Variants in PALS2 observed in about 807,000 individuals in gnomAD.
The protein encoded by PALS2 is protein associated with LIN7 2, MAGUK p55 family member.
PALS2 carries 27 observed loss-of-function variants against 61.6 expected under a neutral mutation model. That is an observed-to-expected ratio of 0.44 (90% CI 0.32 to 0.60). The LOEUF is 0.60. PALS2 is among the 20% of genes least tolerant of loss of function. The pLI, the probability that PALS2 is intolerant of heterozygous loss-of-function variation, is 0.05. For synonymous variants in PALS2, 236 were observed against 218.6 expected, an observed-to-expected ratio of 1.08 and a Z score of -0.70; for missense variants, 554 against 639.4, an observed-to-expected ratio of 0.87 and a Z score of 1.44.
At chr7:24,679,684 C>A (rs1414617234) in intron 10 of PALS2, among the ~76,000 whole-genome samples, 1 of 151,580 alleles carries the variant, frequency 6.6e-6, no homozygotes, top group Non-Finnish European at 1.5e-5. Flanking sequence ...AAATTAAAGT[C>A]ACTCCCCCTC....
intron 1 of PALS2, among the ~76,000 whole-genome samples, chr7:24,619,578 C>T (rs1040688221): frequency 2.0e-5 from 3 of 151,656 alleles, no homozygotes; most frequent in Non-Finnish European, 4.4e-5. Flanking sequence ...ATTAGCTGGC[C>T]GTGGTGGTGG....
At chr7:24,574,168 C>G (rs562063119) in intron 1 of PALS2, 1 of 152,376 alleles carries the variant, frequency 6.6e-6, no homozygotes, top group South Asian at 2.1e-4. Flanking sequence ...CTCCAACTAC[C>G]GCCGCTACTT....
At position 24,651,656 on chromosome 7, in the gene PALS2, G is replaced by A. The variant is rs147219884; in HGVS notation, c.651+944G>A. ...ATTGAAAATTATGATAGGAGTGTTG[G>A]AACCAAAGAGAGGGTTTTCAAGCCT... On this transcript the variant is annotated intron_variant, in intron 5 of 11. Transcript: ENST00000222644. 3.5e-4 allele frequency among the ~76,000 whole-genome samples: 53 copies of A among 152,270 alleles called. 1 individual carries two copies. In the East Asian group the frequency reaches 9.4e-3, roughly 27 times the overall value.
rs1391654561 is a variant in PALS2 at position 24,687,045 on chromosome 7, G to A, written c.1447-393G>A. On this transcript the variant is annotated intron_variant, in intron 11 of 11. Coordinates refer to ENST00000222644, the MANE Select transcript of PALS2 (RefSeq NM_001303037.2). This position sits in a 1 kb window ranked among gnomAD's most constrained non-coding sequence, Gnocchi z 4.5. ...TGAGCTTAACAGCCACTGCAAATTGGGTACCATGTTGTACATGGGCCATGA... is the reference window on the plus strand; with the variant it reads ...TGAGCTTAACAGCCACTGCAAATTGAGTACCATGTTGTACATGGGCCATGA... Among the ~76,000 whole-genome samples the A allele has an allele frequency of 2.0e-5, 3 of 152,094 alleles. No individual in the cohort carries two copies. The highest frequency in any genetic ancestry group is 4.4e-5 in the Non-Finnish European group (3 of 68,018).
intron 1 of PALS2, among the ~76,000 whole-genome samples, chr7:24,587,277 G>T: frequency 6.6e-6 from 1 of 152,022 alleles, no homozygotes; most frequent in Non-Finnish European, 1.5e-5. Flanking sequence ...TGTCATATAG[G>T]GGAGGGGAAA....
chr7:24,641,819 A>G lies in PALS2; in HGVS notation c.221A>G (p.Asp74Gly). Residue 74 changes from aspartate (D) to glycine (G), a missense_variant, in exon 3 of 12, where the codon GAT (aspartate) becomes GGT (glycine). Transcript: ENST00000222644. The stretch of plus-strand genomic sequence containing the variant: ...GACATCACTCCTCTAATAAATGTGG[A>G]TGAAAATGTGGCAGAATTGGTTGGT... ...LEDITPLINV[D>G]ENVAELVGIL... The G allele has an allele frequency of 6.2e-7, 1 of 1,613,244 alleles. No homozygotes were observed. The highest frequency in any genetic ancestry group is 8.5e-7 in the Non-Finnish European group (1 of 1,179,686).
At chr7:24,616,809 T>C (rs1784307846) in intron 1 of PALS2, among the ~76,000 whole-genome samples, 1 of 152,200 alleles carries the variant, frequency 6.6e-6, no homozygotes, top group African/African-American at 2.4e-5. Context: ...TTTCTTCGTC[T>C]ATGACTTGAT....
At position 24,687,029 on chromosome 7, in the gene PALS2, C is replaced by T. The variant is rs893994506; in HGVS notation, c.1447-409C>T. ...GTAGCAAGTTTGGCTTTGAGCTTAA[C>T]AGCCACTGCAAATTGGGTACCATGT... On this transcript the variant is annotated intron_variant, in intron 11 of 11. Transcript: ENST00000222644. The surrounding 1 kb of genome is among the most constrained non-coding windows in gnomAD (Gnocchi z 4.5). 2.0e-5 allele frequency among the ~76,000 whole-genome samples: 3 copies of T among 152,188 alleles called. No individual in the cohort carries two copies. The highest frequency in any genetic ancestry group is 4.8e-5 in the African/African-American group (2 of 41,444).
At position 24,691,403 on chromosome 7, in the gene PALS2, G is replaced by GTGTGTGTGTGTA. The variant is rs1788462318; in HGVS notation, c.*3792_*3793insGTGTGTGTATGT. ...ATATATTATGTATGTGTGTGTGTGTGTGTATATATATATATATATATATAT... is the reference window on the plus strand; with the variant it reads ...ATATATTATGTATGTGTGTGTGTGTGTGTGTGTGTGTATGTATATATATATATATATATATAT... On this transcript the variant is annotated 3_prime_UTR_variant, in exon 12 of 12. Transcript: ENST00000222644. The GTGTGTGTGTGTA allele has an allele frequency of 9.3e-6, 1 of 108,078 alleles. No individual in the cohort carries two copies. Among genetic ancestry groups the GTGTGTGTGTGTA allele is most frequent in the Admixed American group, 1.1e-4 (1 of 9,410 alleles). 6.7% of individuals were successfully genotyped at this position (108,078 alleles called of 1,614,324 possible). A position where few individuals can be genotyped will look rare whatever the true frequency, so the allele number is the denominator to read the frequency against.
rs866786587 is a variant in PALS2 at position 24,624,078 on chromosome 7, C to A, written c.117+294C>A. The A allele has an allele frequency of 5.2e-6, 7 of 1,336,530 alleles. No homozygotes were observed. The South Asian group carries it at 7.4e-5, about 14-fold the overall frequency. 82.8% of individuals were successfully genotyped at this position (1,336,530 alleles called of 1,614,324 possible). On this transcript the variant is annotated intron_variant, in intron 2 of 11. Coordinates refer to ENST00000222644, the MANE Select transcript of PALS2 (RefSeq NM_001303037.2). ...TTTTAACAGGGCCTGTGAAAAAGAT[C>A]CTGATCCTATTTCCATTTTCAACAA...
chr7:24,664,214 C>G (rs922399718), intron 6 of PALS2, among the ~76,000 whole-genome samples: 7 of 152,100 alleles, frequency 4.6e-5, no homozygotes, highest in African/African-American at 1.4e-4. Flanking sequence ...GAGGTTCACT[C>G]TATCAGTTTT....
intron 1 of PALS2, among the ~76,000 whole-genome samples, chr7:24,592,655 T>C (rs562450677): frequency 6.6e-6 from 1 of 152,212 alleles, no homozygotes; most frequent in East Asian, 1.9e-4. Flanking sequence ...AAAACACATA[T>C]CACAATGAAG....
intron 1 of PALS2, among the ~76,000 whole-genome samples, chr7:24,583,413 C>A (rs980479720): frequency 6.6e-6 from 1 of 152,050 alleles, no homozygotes; most frequent in African/African-American, 2.4e-5. Context: ...ATTTAATGAT[C>A]TTTATAAAGT....
chr7:24,667,893 C>G (rs1787111304), intron 8 of PALS2, among the ~76,000 whole-genome samples: 1 of 151,972 alleles, frequency 6.6e-6, no homozygotes. Context: ...GTCTCAATCT[C>G]TTGACCTCGT....
chr7:24,649,881 G>T, intron 4 of PALS2, 117 bp downstream of exon 4: 5 of 1,005,096 alleles, frequency 5.0e-6, no homozygotes, highest in Admixed American at 3.4e-5. Context: ...CTGTATTCTT[G>T]TTTGGCCTGT....
At chr7:24,657,276 A>G (rs1786469388) in intron 5 of PALS2, among the ~76,000 whole-genome samples, 1 of 152,188 alleles carries the variant, frequency 6.6e-6, no homozygotes, top group Non-Finnish European at 1.5e-5. Flanking sequence ...TGTACTTTTG[A>G]AGAAATGACT....
intron 1 of PALS2, among the ~76,000 whole-genome samples, chr7:24,616,162 A>C (rs1784286886): frequency 2.0e-5 from 3 of 152,160 alleles, no homozygotes; most frequent in Admixed American, 2.0e-4. Flanking sequence ...CACTCTCACC[A>C]GTCTTATTCA....
intron 2 of PALS2, among the ~76,000 whole-genome samples, chr7:24,632,611 T>A (rs1442114655): frequency 6.6e-6 from 1 of 152,060 alleles, no homozygotes; most frequent in Non-Finnish European, 1.5e-5. Flanking sequence ...GTGGTCTCAA[T>A]CTCCTGACCT....
intron 9 of PALS2, among the ~76,000 whole-genome samples, chr7:24,678,460 A>G (rs1245214295): frequency 1.3e-5 from 2 of 152,224 alleles, no homozygotes; most frequent in Admixed American, 1.3e-4. Context: ...AATATCAATA[A>G]ACAGGAAGCT....
Sources: allele counts gnomAD v4.1 joint callset (sites outside exome capture counted in the v4.1 genomes callset), GRCh38; gene constraint gnomAD v4.1.1; non-coding constraint Gnocchi (gnomAD v3.1); transcripts MANE v1.5; gene names NCBI Gene and HGNC (gene_info 2026-07-23, HGNC 2026-07-21).